Variants in MTX2 observed in about 807,000 individuals in gnomAD.
MTX2 encodes metaxin-2.
Under a neutral mutation model 42.3 loss-of-function variants are expected in MTX2, and 35 were observed. The observed-to-expected ratio is 0.83, with a 90% CI of 0.63 to 1.10. The LOEUF (loss-of-function observed/expected upper bound fraction) is 1.10, where lower values mean the gene tolerates loss of function less well. Ranked by LOEUF, MTX2 falls within the 50% of genes least tolerant of loss-of-function variation. The pLI is 0.00. For synonymous variants in MTX2, 119 were observed against 100.9 expected (o/e 1.18, Z -1.08); for missense variants, 307 against 304.1 (o/e 1.01, Z -0.07).
At chr2:176,330,369 TAAGTATTTCTTATATAGA>T (rs1270361677) in intron 8 of MTX2, among the ~76,000 whole-genome samples, 197 bp from the exon 9 acceptor site, 30 of 149,306 alleles carry the variant, frequency 2.0e-4, no homozygotes, top group Non-Finnish European at 3.7e-4. Context: ...GTATTTCTTA[TAAGTATTTCTTATATAGA>T]AAGTATTTCT....
At chr2:176,296,760 A>T in intron 1 of MTX2, 100 bp from the exon 2 acceptor site, 1 of 1,219,346 alleles carries the variant, frequency 8.2e-7, no homozygotes, top group Non-Finnish European at 1.2e-6. Flanking sequence ...TTAGCAAATG[A>T]CTTTAAATGC....
At chr2:176,331,653 A>G (rs115498213) in intron 9 of MTX2, among the ~76,000 whole-genome samples, 2,844 of 151,272 alleles carry the variant, frequency 0.019, 85 homozygotes, top group African/African-American at 0.064. Flanking sequence ...TGAAGCAGAA[A>G]AATCTTCAGA....
In MTX2 at chr2:176,337,708, T is replaced by C. The variant is rs1406328879; in HGVS notation, c.*44T>C. 6.8e-7 allele frequency: 1 copy of C among 1,467,648 alleles called. No individual in the cohort carries two copies. Among genetic ancestry groups the C allele is most frequent in the Non-Finnish European group, 9.1e-7 (1 of 1,100,582 alleles). The allele number at this position is 1,467,648 out of a possible 1,614,324, so 90.9% of individuals were successfully genotyped here. ...GGAGTCTTAACTTTTGAAATATGTT[T>C]TACTTGAATGTTACATTAGATATTG... On this transcript the variant is annotated 3_prime_UTR_variant, in exon 10 of 10. Coordinates refer to ENST00000249442, the MANE Select transcript of MTX2 (RefSeq NM_006554.5).
intron 1 of MTX2, among the ~76,000 whole-genome samples, chr2:176,289,821 GC>G (rs977199166): frequency 3.3e-5 from 5 of 151,866 alleles, no homozygotes; most frequent in African/African-American, 4.8e-5. Flanking sequence ...CTTAAATGAT[GC>G]CTATATAAAA....
rs1383333613 is a variant in MTX2, at chr2:176,337,485, A to C, written c.621-8A>C. 1.3e-6 allele frequency: 2 copies of C among 1,582,946 alleles called. No individual in the cohort carries two copies. The highest frequency in any genetic ancestry group is 1.4e-5 in the African/African-American group (1 of 73,464). Reference sequence around the variant, plus strand: ...ACTTACTCACATTACTCTCATTTCTACTTTTAGGCCTACTGAACTTGACGC... The same window carrying C: ...ACTTACTCACATTACTCTCATTTCTCCTTTTAGGCCTACTGAACTTGACGC... On this transcript the variant is annotated splice_region_variant and splice_polypyrimidine_tract_variant and intron_variant, in intron 9 of 9. Transcript: ENST00000249442.
chr2:176,276,476 G>A (rs1420472758), intron 1 of MTX2, among the ~76,000 whole-genome samples: 1 of 152,268 alleles, frequency 6.6e-6, no homozygotes, highest in East Asian at 1.9e-4. Context: ...CAGTATAAAG[G>A]TTAGGAACAA....
At chr2:176,293,562 G>A (rs536836463) in intron 1 of MTX2, among the ~76,000 whole-genome samples, 5 of 152,052 alleles carry the variant, frequency 3.3e-5, no homozygotes, top group Non-Finnish European at 7.4e-5. Flanking sequence ...AGATCTGGTT[G>A]TTTAAAAGAG....
intron 1 of MTX2, among the ~76,000 whole-genome samples, chr2:176,284,976 C>T (rs542294622): frequency 6.6e-6 from 1 of 152,282 alleles, no homozygotes; most frequent in African/African-American, 2.4e-5. Flanking sequence ...TTATCAAGTT[C>T]CTCAAGTGTA....
intron 1 of MTX2, among the ~76,000 whole-genome samples, chr2:176,291,205 G>T (rs1693321258): frequency 6.6e-6 from 1 of 152,130 alleles, no homozygotes; most frequent in Admixed American, 6.5e-5. Flanking sequence ...CAGCTATTTA[G>T]TATTTTTTTG....
chr2:176,313,823 T>G (rs1301738484), intron 3 of MTX2, among the ~76,000 whole-genome samples: 1 of 152,190 alleles, frequency 6.6e-6, no homozygotes, highest in Admixed American at 6.5e-5. Context: ...TAGGATCCAT[T>G]AGGTTCTGCT....
intron 1 of MTX2, among the ~76,000 whole-genome samples, chr2:176,288,410 A>T (rs1307184465): frequency 1.3e-5 from 2 of 151,996 alleles, no homozygotes; most frequent in Non-Finnish European, 2.9e-5. Flanking sequence ...TGTGTCTTGC[A>T]GTAACTTGTC....
Position 176,284,797 on chromosome 2 carries a change from A to G in MTX2, c.41-12063A>G, listed in dbSNP as rs113197680. Among the ~76,000 whole-genome samples, 1,173 of 152,340 alleles carry G rather than the reference A, an allele frequency of 7.7e-3. 18 individuals carry two copies. The highest frequency in any genetic ancestry group is 0.027 in the African/African-American group (1,134 of 41,576). On this transcript the variant is annotated intron_variant, in intron 1 of 9. Transcript: ENST00000249442. ...CTCTGAGCTAAATGAATGAAAGATA[A>G]AAAGAACATAATCTTATCTCAAGTG...
intron 1 of MTX2, among the ~76,000 whole-genome samples, chr2:176,285,326 A>G (rs1693171854): frequency 6.6e-6 from 1 of 152,004 alleles, no homozygotes. Context: ...TTTTCTGTTC[A>G]GCTTTCTTGA....
rs114941735 is a variant in MTX2 at position 176,320,537 on chromosome 2, G to A, written c.136-2855G>A. Among the ~76,000 whole-genome samples the A allele has an allele frequency of 8.1e-3, 1,229 of 151,776 alleles. 11 individuals carry two copies. Among genetic ancestry groups the A allele is most frequent in the African/African-American group, 0.028 (1,157 of 41,362 alleles). The stretch of plus-strand genomic sequence containing the variant: ...AGCAAAAGATTTCTCCTTCTATTTC[G>A]TAAAATATGAGCACTCACATTCTTG... On this transcript the variant is annotated intron_variant, in intron 3 of 9. Transcript: ENST00000249442.
chr2:176,318,243 G>A (rs34204173), intron 3 of MTX2, among the ~76,000 whole-genome samples: 9,058 of 151,262 alleles, frequency 0.06, 300 homozygotes, highest in Non-Finnish European at 0.08. Context: ...TCTGGTAATA[G>A]TTTTTTTCCT....
intron 1 of MTX2, among the ~76,000 whole-genome samples, chr2:176,294,278 C>CTTTTT (rs750682515): frequency 8.0e-6 from 1 of 125,320 alleles, no homozygotes; most frequent in Non-Finnish European, 1.7e-5. Flanking sequence ...GATGAATTAA[C>CTTTTT]TTTTTTTTTT....
At chr2:176,273,680 A>G (rs1215906563) in intron 1 of MTX2, among the ~76,000 whole-genome samples, 1 of 152,052 alleles carries the variant, frequency 6.6e-6, no homozygotes, top group Non-Finnish European at 1.5e-5. Flanking sequence ...CTATCTCCTT[A>G]CTACCAGTAT....
intron 9 of MTX2, 122 bp from the exon 10 acceptor site, chr2:176,337,371 T>C: frequency 2.7e-6 from 2 of 743,938 alleles, no homozygotes; most frequent in Admixed American, 2.9e-5. Context: ...TTTTAAAATA[T>C]TTTGGATCTG....
chr2:176,311,183 C>T (rs1048152907), intron 3 of MTX2, among the ~76,000 whole-genome samples: 4 of 152,154 alleles, frequency 2.6e-5, no homozygotes, highest in African/African-American at 9.7e-5. Flanking sequence ...TTGGAGTTTG[C>T]TGGAGGTCCA....
Sources: allele counts gnomAD v4.1 joint callset (sites outside exome capture counted in the v4.1 genomes callset), GRCh38; gene constraint gnomAD v4.1.1; transcripts MANE v1.5; gene names NCBI Gene and HGNC (gene_info 2026-07-23, HGNC 2026-07-21).